ERBB4: variants seen among roughly 807,000 people sequenced by gnomAD.
The protein encoded by ERBB4 is receptor tyrosine-protein kinase erbB-4.
Under a neutral mutation model 158.0 loss-of-function variants are expected in ERBB4, and 42 were observed. The observed-to-expected ratio is 0.27, with a 90% confidence interval of 0.21 to 0.34. The LOEUF is 0.34. Among genes scored for constraint, ERBB4 ranks in the 10% least tolerant of loss-of-function variants. ERBB4 has a pLI of 1.00. For synonymous variants in ERBB4, 583 were observed against 558.7 expected, an observed-to-expected ratio of 1.04 and a Z score of -0.61; for missense variants, 1,333 against 1,624.1, an observed-to-expected ratio of 0.82 and a Z score of 3.08.
chr2:212,237,583 T>C (rs1308505257), intron 1 of ERBB4, among the ~76,000 whole-genome samples: 3 of 152,136 alleles, frequency 2.0e-5, no homozygotes, highest in Admixed American at 2.0e-4. Flanking sequence ...AGGCAGTCTG[T>C]CGCTTATCAG....
chr2:211,506,862 C>T (rs2065764590), intron 20 of ERBB4, among the ~76,000 whole-genome samples: 1 of 151,756 alleles, frequency 6.6e-6, no homozygotes, highest in African/African-American at 2.4e-5. Flanking sequence ...ATAAAAGAAA[C>T]AAAAATTAGA....
At chr2:211,550,955 T>C (rs922053436) in intron 20 of ERBB4, among the ~76,000 whole-genome samples, 3 of 151,156 alleles carry the variant, frequency 2.0e-5, no homozygotes, top group African/African-American at 7.3e-5. Context: ...ACCTTTTTTG[T>C]TGGGGGACAG....
chr2:212,309,908 C>A (rs1309141074), intron 1 of ERBB4, among the ~76,000 whole-genome samples: 2 of 150,300 alleles, frequency 1.3e-5, no homozygotes, highest in Non-Finnish European at 3.0e-5. Flanking sequence ...TAAAAAAAAA[C>A]TTTTAAAATA....
chr2:211,633,476 T>A (rs563502338), intron 16 of ERBB4, among the ~76,000 whole-genome samples: 23 of 93,876 alleles, frequency 2.5e-4, no homozygotes, highest in Non-Finnish European at 2.5e-4. Flanking sequence ...TAATTTGTAT[T>A]TTCTAATTTT....
chr2:211,585,816 T>C (rs1009889859), intron 19 of ERBB4, among the ~76,000 whole-genome samples: 12 of 152,110 alleles, frequency 7.9e-5, no homozygotes, highest in Non-Finnish European at 5.9e-5. Flanking sequence ...GTTATCAATA[T>C]TATTATGGAA....
chr2:212,352,129 A>ATGTTCT (rs1418910974), intron 1 of ERBB4, among the ~76,000 whole-genome samples: 66 of 152,254 alleles, frequency 4.3e-4, no homozygotes, highest in Middle Eastern at 3.4e-3. Flanking sequence ...GAACATATAG[A>ATGTTCT]CAAAAAGAGG....
intron 20 of ERBB4, among the ~76,000 whole-genome samples, chr2:211,515,487 G>A (rs934233524): frequency 6.6e-6 from 1 of 152,042 alleles, no homozygotes; most frequent in Non-Finnish European, 1.5e-5. Context: ...CAGGGGTAAT[G>A]TCAGTTGAGT....
intron 1 of ERBB4, among the ~76,000 whole-genome samples, chr2:212,515,615 T>TA (rs1015445726): frequency 1.3e-5 from 2 of 151,822 alleles, no homozygotes; most frequent in African/African-American, 4.8e-5. Context: ...TATATGAAGA[T>TA]AAAAAATAAA....
intron 1 of ERBB4, among the ~76,000 whole-genome samples, chr2:212,499,744 A>T (rs533607485): frequency 6.6e-6 from 1 of 152,234 alleles, no homozygotes; most frequent in South Asian, 2.1e-4. Context: ...AATTTGGTAA[A>T]GAAGCTGGTC....
chr2:211,631,903 T>C (rs1030271842), intron 16 of ERBB4, among the ~76,000 whole-genome samples: 76 of 152,218 alleles, frequency 5.0e-4, no homozygotes, highest in Non-Finnish European at 5.3e-4. Flanking sequence ...AAAAATACTT[T>C]CTCTTGCTAA....
intron 1 of ERBB4, among the ~76,000 whole-genome samples, chr2:212,430,057 G>C (rs2091993027): frequency 6.6e-6 from 1 of 152,120 alleles, no homozygotes; most frequent in Non-Finnish European, 1.5e-5. Context: ...TTGTTGGACA[G>C]ATTAAATAAT....
At chr2:211,396,675 G>T (rs2062925925) in intron 25 of ERBB4, among the ~76,000 whole-genome samples, 1 of 152,170 alleles carries the variant, frequency 6.6e-6, no homozygotes, top group Admixed American at 6.6e-5. Context: ...TTGGCACGTA[G>T]ATTTTATTCA....
chr2:212,360,768 C>T (rs1018107469), intron 1 of ERBB4, among the ~76,000 whole-genome samples: 1 of 151,654 alleles, frequency 6.6e-6, no homozygotes, highest in African/African-American at 2.4e-5. Context: ...GCTACTCTTT[C>T]AGTGTGTCTA....
chr2:212,110,753 C>T (rs1009874852), intron 2 of ERBB4, among the ~76,000 whole-genome samples: 1 of 152,204 alleles, frequency 6.6e-6, no homozygotes, highest in South Asian at 2.1e-4. Flanking sequence ...AAAGGTTAAG[C>T]CAGCCTCTTC....
At chr2:212,446,626 T>TATATATATATATATATAC (rs2092362310) in intron 1 of ERBB4, among the ~76,000 whole-genome samples, 2 of 84,322 alleles carry the variant, frequency 2.4e-5, no homozygotes, top group South Asian at 3.7e-4. Flanking sequence ...TATATATATA[T>TATATATATATATATATAC]ATATATATAT....
rs146701193 is a variant in ERBB4 at position 211,881,821 on chromosome 2, T to G, written c.421+65609A>C. On this transcript the variant is annotated intron_variant, in intron 3 of 27. Transcript: ENST00000342788. ...AAACTTCCACTGTTAAGCTCACTCTTTGTGTGTCTGCGCCCTTGATATTTG... is the reference window on the plus strand; with the variant it reads ...AAACTTCCACTGTTAAGCTCACTCTGTGTGTGTCTGCGCCCTTGATATTTG... 3.5e-3 allele frequency among the ~76,000 whole-genome samples: 529 copies of G among 152,254 alleles called. 4 individuals carry two copies. Among genetic ancestry groups the G allele is most frequent in the African/African-American group, 0.011 (456 of 41,560 alleles).
intron 3 of ERBB4, among the ~76,000 whole-genome samples, chr2:211,808,464 T>C (rs1051999055): frequency 1.3e-5 from 2 of 152,166 alleles, no homozygotes; most frequent in African/African-American, 4.8e-5. Context: ...TTCTGAGGCC[T>C]CTGTTCTGTT....
chr2:211,437,749 A>T (rs982520397), intron 20 of ERBB4, among the ~76,000 whole-genome samples: 5 of 150,628 alleles, frequency 3.3e-5, no homozygotes, highest in Non-Finnish European at 7.4e-5. Context: ...GCAAGAGAGC[A>T]TTTTTTTTTT....
intron 1 of ERBB4, among the ~76,000 whole-genome samples, chr2:212,135,372 T>A (rs957549470): frequency 3.3e-5 from 5 of 152,310 alleles, no homozygotes; most frequent in African/African-American, 1.2e-4. Flanking sequence ...TATAAACATT[T>A]ATCTTTGTAA....
Sources: gnomAD v4.1 joint callset for allele counts (sites outside exome capture counted in the v4.1 genomes callset) on GRCh38, gnomAD v4.1.1 for gene constraint, MANE v1.5 for transcripts, NCBI Gene and HGNC (gene_info 2026-07-23, HGNC 2026-07-21) for gene names.